PDE5A: variants seen among roughly 807,000 people sequenced by gnomAD.
The protein encoded by PDE5A is phosphodiesterase 5A.
PDE5A carries 67 observed loss-of-function variants against 110.2 expected under a neutral mutation model. That is an observed-to-expected ratio of 0.61 (90% CI 0.50 to 0.75). PDE5A has a LOEUF of 0.75. PDE5A is among the 30% of genes least tolerant of loss of function. The pLI is 0.00. For synonymous variants in PDE5A, 328 were observed against 351.2 expected (o/e 0.93, Z 0.74); for missense variants, 862 against 1,045.1 (o/e 0.82, Z 2.42).
chr4:119,572,275 T>C (rs369881064), intron 3 of PDE5A, among the ~76,000 whole-genome samples: 2 of 152,370 alleles, frequency 1.3e-5, no homozygotes, highest in South Asian at 4.1e-4. Flanking sequence ...ACACTTTGCA[T>C]TATTTTACAT....
chr4:119,525,914 G>A lies in PDE5A; in HGVS notation c.1633-219C>T, dbSNP rs544412497. On this transcript the variant is annotated intron_variant, in intron 11 of 20. Coordinates refer to ENST00000354960, the MANE Select transcript of PDE5A (RefSeq NM_001083.4). This position sits in a 1 kb window ranked among gnomAD's most constrained non-coding sequence, Gnocchi z 4.3. ...ATTAATATGGTTCAAAGTAGGCTAA[G>A]TGGAGAAAAGGGAGTTGTCACCCTT... Among the ~76,000 whole-genome samples the A allele has an allele frequency of 1.3e-5, 2 of 152,200 alleles. No individual in the cohort carries two copies. The highest frequency in any genetic ancestry group is 1.3e-4 in the Admixed American group (2 of 15,288).
intron 4 of PDE5A, 95 bp from the exon 5 acceptor site, chr4:119,565,505 G>A: frequency 1.2e-6 from 1 of 804,608 alleles, no homozygotes; most frequent in Admixed American, 2.3e-5. Flanking sequence ...CAGTTAGAAA[G>A]CCAAAAGAAT....
chr4:119,570,071 CAAAAAATAGAAGAA>C (rs920552643), intron 3 of PDE5A, among the ~76,000 whole-genome samples: 4 of 151,960 alleles, frequency 2.6e-5, no homozygotes, highest in African/African-American at 9.7e-5. Context: ...TAAAAACAGA[CAAAAAATAGAAGAA>C]AAGGCATAGT....
chr4:119,556,276 T>C (rs923906486), intron 7 of PDE5A, among the ~76,000 whole-genome samples: 1 of 152,206 alleles, frequency 6.6e-6, no homozygotes, highest in African/African-American at 2.4e-5. Flanking sequence ...AGTAAATGTC[T>C]GTGATGGCTT....
chr4:119,568,846 G>A (rs1267147973), intron 3 of PDE5A, among the ~76,000 whole-genome samples: 1 of 152,116 alleles, frequency 6.6e-6, no homozygotes, highest in Non-Finnish European at 1.5e-5. Context: ...TATGCTATCT[G>A]TACCTGGAAC....
At chr4:119,589,527 A>G (rs761087622) in intron 3 of PDE5A, among the ~76,000 whole-genome samples, 37 of 152,242 alleles carry the variant, frequency 2.4e-4, no homozygotes, top group Non-Finnish European at 4.4e-4. Flanking sequence ...TGACAAAGAT[A>G]AAAACTGGTC....
At position 119,627,081 on chromosome 4, in the gene PDE5A, C is replaced by T. The variant is rs1322833301; in HGVS notation, c.152+1439G>A. ...CTGGTGCCACCGGGGCGCCACCACC[C>T]AGCACCCGAGACCCGCCGCGCCCCC... is the stretch of plus-strand genomic sequence containing the variant. On this transcript the variant is annotated intron_variant, in intron 1 of 20. Coordinates refer to ENST00000354960, the MANE Select transcript of PDE5A (RefSeq NM_001083.4). This position sits in a 1 kb window ranked among gnomAD's most constrained non-coding sequence, Gnocchi z 4.6. The T allele has an allele frequency of 6.3e-7, 1 of 1,596,494 alleles. No individual in the cohort carries two copies. The highest frequency in any genetic ancestry group is 1.3e-5 in the African/African-American group (1 of 74,532).
rs1729570935 is a variant in PDE5A at position 119,607,204 on chromosome 4, G to C, written c.246C>G (p.Pro82=). The C allele has an allele frequency of 6.2e-7, 1 of 1,613,992 alleles. No individual in the cohort carries two copies. Among genetic ancestry groups the C allele is most frequent in the South Asian group, 1.1e-5 (1 of 91,084 alleles). ...IRGHTESCSC[P]LQQSPRADNS... ...TATCTGCACGAGGACTCTGCTGCAAGGGACAAGAGCAAGATTCGGTGTGGC... is the reference window on the plus strand; with the variant it reads ...TATCTGCACGAGGACTCTGCTGCAACGGACAAGAGCAAGATTCGGTGTGGC... The change falls in exon 2 of 21, where the codon CCC becomes CCG. Residue 82 remains proline (P), a synonymous_variant. Transcript: ENST00000354960.
chr4:119,509,438 G>T (rs974127752), intron 15 of PDE5A, among the ~76,000 whole-genome samples: 1 of 152,054 alleles, frequency 6.6e-6, no homozygotes, highest in African/African-American at 2.4e-5. Flanking sequence ...AGAGGCTACA[G>T]CAGTCCAAAG....
At chr4:119,572,005 T>C (rs1175170303) in intron 3 of PDE5A, among the ~76,000 whole-genome samples, 5 of 152,190 alleles carry the variant, frequency 3.3e-5, no homozygotes, top group Non-Finnish European at 7.3e-5. Context: ...AACTTAACTA[T>C]ATCACTTACA....
intron 3 of PDE5A, chr4:119,569,922 G>A (rs1728083916): frequency 6.6e-6 from 1 of 152,238 alleles, no homozygotes; most frequent in Non-Finnish European, 1.5e-5. Flanking sequence ...AGGGACTTGG[G>A]CATCCACAGA....
chr4:119,588,350 G>C (rs1349695867), intron 3 of PDE5A, among the ~76,000 whole-genome samples: 1 of 151,568 alleles, frequency 6.6e-6, no homozygotes, highest in Non-Finnish European at 1.5e-5. Context: ...GCTAATTTTT[G>C]TATTTTTCGT....
chr4:119,570,931 CT>C (rs1272951836), intron 3 of PDE5A, among the ~76,000 whole-genome samples: 7 of 152,130 alleles, frequency 4.6e-5, no homozygotes, highest in African/African-American at 1.4e-4. Context: ...CCCTAGTGCT[CT>C]TTTCAAACTT....
chr4:119,581,485 C>T (rs1403190678), intron 3 of PDE5A, among the ~76,000 whole-genome samples: 1 of 152,154 alleles, frequency 6.6e-6, no homozygotes, highest in Non-Finnish European at 1.5e-5. Context: ...CTAAGTCCTT[C>T]ATATGGAGAA....
chr4:119,627,289 C>G lies in PDE5A; in HGVS notation c.152+1231G>C. 6.8e-7 allele frequency: 1 copy of G among 1,472,008 alleles called. No individual in the cohort carries two copies. Among genetic ancestry groups the G allele is most frequent in the African/African-American group, 1.4e-5 (1 of 69,926 alleles). The allele number at this position is 1,472,008 out of a possible 1,614,324, so 91.2% of individuals were successfully genotyped here. On this transcript the variant is annotated intron_variant, in intron 1 of 20. Coordinates refer to ENST00000354960, the MANE Select transcript of PDE5A (RefSeq NM_001083.4). This position sits in a 1 kb window ranked among gnomAD's most constrained non-coding sequence, Gnocchi z 4.6. ...GGTGAGGTCGGCGACTCAGAACCAG[C>G]TCCCTCACGGCCCCGGCCTCCGCGC...
intron 1 of PDE5A, among the ~76,000 whole-genome samples, chr4:119,617,171 T>C (rs1032155824): frequency 2.6e-5 from 4 of 152,160 alleles, no homozygotes; most frequent in Admixed American, 6.5e-5. Context: ...CCACTCAAGA[T>C]TGTTATAAAC....
chr4:119,510,086 A>G (rs1296021111), intron 15 of PDE5A, among the ~76,000 whole-genome samples: 2 of 152,070 alleles, frequency 1.3e-5, no homozygotes, highest in African/African-American at 2.4e-5. Context: ...AACACAAGGT[A>G]GGGAATGGGA....
chr4:119,598,201 A>C (rs1268735810), intron 2 of PDE5A, among the ~76,000 whole-genome samples: 1 of 152,170 alleles, frequency 6.6e-6, no homozygotes. Context: ...ACTTAACCCA[A>C]CTACCTAATC....
At chr4:119,574,278 G>T (rs1728247535) in intron 3 of PDE5A, among the ~76,000 whole-genome samples, 1 of 146,932 alleles carries the variant, frequency 6.8e-6, no homozygotes, top group African/African-American at 2.5e-5. Flanking sequence ...TGGCTCCCGG[G>T]TTCAAGCAAT....
Sources: gnomAD v4.1 joint callset for allele counts (sites outside exome capture counted in the v4.1 genomes callset) on GRCh38, gnomAD v4.1.1 for gene constraint, Gnocchi (gnomAD v3.1) non-coding constraint, MANE v1.5 for transcripts, NCBI Gene and HGNC (gene_info 2026-07-23, HGNC 2026-07-21) for gene names.